The following TENM3 variants were observed in gnomAD, a reference collection of about 807,000 sequenced individuals.
TENM3 encodes teneurin transmembrane protein 3, also known as teneurin-3.
TENM3 carries 63 observed loss-of-function variants against 255.1 expected under a neutral mutation model. The observed-to-expected ratio is 0.25, with a 90% CI of 0.20 to 0.30. The LOEUF (loss-of-function observed/expected upper bound fraction) is 0.30, where lower values mean the gene tolerates loss of function less well. Ranked by LOEUF, TENM3 falls within the 10% of genes least tolerant of loss-of-function variation. The pLI is 1.00. For missense variants in TENM3, 2,929 were observed against 3,461.1 expected, an observed-to-expected ratio of 0.85 and a Z score of 3.86; for synonymous variants, 1,306 against 1,322.3, an observed-to-expected ratio of 0.99 and a Z score of 0.27.
intron 5 of TENM3, among the ~76,000 whole-genome samples, chr4:182,640,144 G>GA: frequency 6.6e-6 from 1 of 152,184 alleles, no homozygotes; most frequent in South Asian, 2.1e-4. Flanking sequence ...AAGATACACT[G>GA]ATTTTTCCCT....
the TENM3 span, among the ~76,000 whole-genome samples, chr4:181,936,268 G>T: frequency 1.3e-5 from 2 of 152,046 alleles, no homozygotes; most frequent in Non-Finnish European, 2.9e-5. Flanking sequence ...GGTGGTGTGT[G>T]CCTGTCGTCC....
intron 1 of TENM3, among the ~76,000 whole-genome samples, chr4:182,215,734 C>T (rs1755418281): frequency 1.3e-5 from 2 of 152,150 alleles, no homozygotes. Flanking sequence ...TCTTTTTACT[C>T]ACACCTGGCA....
chr4:181,485,392 T>C, the TENM3 span, among the ~76,000 whole-genome samples: 3 of 152,140 alleles, frequency 2.0e-5, no homozygotes, highest in South Asian at 2.1e-4. Context: ...ACTAAGAGAT[T>C]AATGCCAAAG....
intron 19 of TENM3, 21 bp from the exon 20 acceptor site, chr4:182,751,779 T>C (rs1206433196): frequency 1.9e-6 from 3 of 1,579,712 alleles, no homozygotes; most frequent in Non-Finnish European, 2.6e-6. Context: ...CTTTGATGTT[T>C]ATCTATGATC....
chr4:181,791,823 A>G, the TENM3 span, among the ~76,000 whole-genome samples: 3 of 152,236 alleles, frequency 2.0e-5, 1 homozygote, highest in Non-Finnish European at 4.4e-5. Context: ...AGAAATGTCT[A>G]CTTTGACTAG....
At chr4:181,814,239 A>G in the TENM3 span, among the ~76,000 whole-genome samples, 4 of 152,194 alleles carry the variant, frequency 2.6e-5, no homozygotes, top group Admixed American at 2.6e-4. Flanking sequence ...TACTAATGGT[A>G]TATGGGTATG....
the TENM3 span, among the ~76,000 whole-genome samples, chr4:181,788,285 A>C: frequency 6.6e-6 from 1 of 152,172 alleles, no homozygotes; most frequent in Non-Finnish European, 1.5e-5. Context: ...ATATATGTTA[A>C]GTACCTAGCA....
the TENM3 span, among the ~76,000 whole-genome samples, chr4:181,749,913 C>T: frequency 6.6e-6 from 1 of 152,112 alleles, no homozygotes; most frequent in African/African-American, 2.4e-5. Context: ...ATGTCTCTTA[C>T]GGTCTTATCA....
chr4:182,655,927 G>A (rs1753706403), intron 6 of TENM3, among the ~76,000 whole-genome samples: 1 of 151,924 alleles, frequency 6.6e-6, no homozygotes, highest in Non-Finnish European at 1.5e-5. Flanking sequence ...TTATTTTATT[G>A]TATTTCTCAT....
At position 182,679,766 on chromosome 4, in the gene TENM3, G is replaced by A. The variant is rs377048617; in HGVS notation, c.1427G>A (p.Ser476Asn). 190 of 1,613,968 alleles carry A rather than the reference G, an allele frequency of 1.2e-4. No individual in the cohort carries two copies. The Middle Eastern group carries it at 1.5e-3, about 13-fold the overall frequency. Residue 476 changes from serine (S) to asparagine (N), a missense_variant, in exon 8 of 28, where the codon AGC (serine) becomes AAC (asparagine). Physicochemically the swap from Ser to Asn is conservative, Grantham distance 46. This residue lies in a region of TENM3 where 1,608 missense variants were observed against 1,884.4 expected (regional missense o/e 0.85). Coordinates refer to ENST00000511685, the MANE Select transcript of TENM3 (RefSeq NM_001080477.4). ...GCCGGGCGGCAGGCGAGATCCGTCA[G>A]CCTTCATGAGGCCGGCTTTATCCAG... ...ERAGRQARSV[S>N]LHEAGFIQYL...
At chr4:182,783,349 A>C (rs1765338803) in intron 24 of TENM3, among the ~76,000 whole-genome samples, 1 of 151,596 alleles carries the variant, frequency 6.6e-6, no homozygotes, top group African/African-American at 2.4e-5. Flanking sequence ...TTCTGGGTTG[A>C]AAATTCTTTT....
the TENM3 span, among the ~76,000 whole-genome samples, chr4:181,617,567 G>A: frequency 2.0e-5 from 3 of 152,166 alleles, no homozygotes; most frequent in African/African-American, 7.2e-5. Flanking sequence ...GCAAGAGTGG[G>A]CAAAGATGCC....
the TENM3 span, among the ~76,000 whole-genome samples, chr4:181,557,005 T>A: frequency 2.0e-5 from 3 of 152,174 alleles, no homozygotes; most frequent in Non-Finnish European, 4.4e-5. Flanking sequence ...GATGGTTAAG[T>A]CAGAAATGTA....
At position 182,753,514 on chromosome 4, in the gene TENM3, C is replaced by T; in HGVS notation, c.3927C>T (p.Asp1309=). ...FVDGTMIRKV[D]QNGIISTLLG... ...ATGGAACCATGATTAGGAAAGTTGA[C>T]CAAAATGGAATCATATCAACTCTTC... is the stretch of plus-strand genomic sequence containing the variant. The change falls in exon 21 of 28, where the codon GAC becomes GAT. Residue 1309 remains aspartate (D), a synonymous_variant. Coordinates refer to ENST00000511685, the MANE Select transcript of TENM3 (RefSeq NM_001080477.4). 6.2e-7 allele frequency: 1 copy of T among 1,613,748 alleles called. No homozygotes were observed. The highest frequency in any genetic ancestry group is 1.3e-5 in the African/African-American group (1 of 75,042).
At chr4:181,722,639 A>G in the TENM3 span, among the ~76,000 whole-genome samples, 1 of 152,242 alleles carries the variant, frequency 6.6e-6, no homozygotes, top group Admixed American at 6.5e-5. Flanking sequence ...AGAAAAGCAT[A>G]AACAATGAAA....
At chr4:182,716,640 G>T (rs1759199447) in intron 13 of TENM3, among the ~76,000 whole-genome samples, 1 of 152,170 alleles carries the variant, frequency 6.6e-6, no homozygotes, top group Non-Finnish European at 1.5e-5. Context: ...TAAGCTACAT[G>T]TATAAAGATG....
intron 12 of TENM3, among the ~76,000 whole-genome samples, chr4:182,702,404 C>G (rs1163233877): frequency 6.6e-6 from 1 of 152,176 alleles, no homozygotes; most frequent in Non-Finnish European, 1.5e-5. Context: ...AAATCATTGC[C>G]AATCCCACAT....
the TENM3 span, among the ~76,000 whole-genome samples, chr4:181,839,937 A>T: frequency 6.6e-6 from 1 of 151,950 alleles, no homozygotes; most frequent in East Asian, 1.9e-4. Context: ...CTTTTCAATA[A>T]GTCTGAAAAA....
chr4:182,699,982 A>G (rs1356318124), intron 12 of TENM3, among the ~76,000 whole-genome samples: 1 of 152,102 alleles, frequency 6.6e-6, no homozygotes, highest in East Asian at 1.9e-4. Context: ...TTTTATTGAA[A>G]AGTTTAGATC....
Sources: allele counts gnomAD v4.1 joint callset (sites outside exome capture counted in the v4.1 genomes callset), GRCh38; gene constraint gnomAD v4.1.1; regional missense constraint gnomAD v4.1.1; transcripts MANE v1.5; gene names NCBI Gene and HGNC (gene_info 2026-07-23, HGNC 2026-07-21).